Variants in NRG1 observed in about 807,000 individuals in gnomAD.
NRG1 encodes pro-neuregulin-1, membrane-bound isoform.
Under a neutral mutation model 63.8 loss-of-function variants are expected in NRG1, and 18 were observed. That is an observed-to-expected ratio of 0.28 (90% confidence interval 0.19 to 0.42). The LOEUF is 0.42. Ranked by LOEUF, NRG1 falls within the 10% of genes least tolerant of loss-of-function variation. NRG1 has a pLI of 1.00. For synonymous variants in NRG1, 302 were observed against 301.3 expected (o/e 1.00, Z -0.02); for missense variants, 762 against 814.7 (o/e 0.94, Z 0.79).
intron 5 of NRG1, among the ~76,000 whole-genome samples, chr8:32,677,963 G>T (rs1324519816): frequency 6.6e-6 from 1 of 152,062 alleles, no homozygotes; most frequent in Non-Finnish European, 1.5e-5. Flanking sequence ...AACCTTTGCT[G>T]TCCTCTGCTA....
At chr8:31,681,547 G>T (rs899632314) in intron 1 of NRG1, among the ~76,000 whole-genome samples, 3 of 151,978 alleles carry the variant, frequency 2.0e-5, no homozygotes, top group Non-Finnish European at 4.4e-5. Flanking sequence ...GGGAGAAACA[G>T]AACATTGTTA....
chr8:31,897,337 T>C (rs377152019), intron 1 of NRG1, among the ~76,000 whole-genome samples: 22 of 152,060 alleles, frequency 1.4e-4, no homozygotes, highest in South Asian at 4.1e-4. Flanking sequence ...AGACTGTTTA[T>C]AGCAATAAGA....
chr8:32,241,989 G>T (rs1164112048), intron 1 of NRG1, among the ~76,000 whole-genome samples: 1 of 152,192 alleles, frequency 6.6e-6, no homozygotes, highest in East Asian at 1.9e-4. Flanking sequence ...CTAGCCTCAA[G>T]AAATCCTTCA....
intron 1 of NRG1, among the ~76,000 whole-genome samples, chr8:32,392,905 G>A (rs1279488519): frequency 3.9e-5 from 6 of 152,136 alleles, no homozygotes. Context: ...TAGAGAGAGA[G>A]AGCCCTTGGG....
At chr8:32,239,435 A>G (rs140504430) in intron 1 of NRG1, among the ~76,000 whole-genome samples, 1 of 152,242 alleles carries the variant, frequency 6.6e-6, no homozygotes, top group Non-Finnish European at 1.5e-5. Flanking sequence ...AACAAACAGG[A>G]GAAAATGATG....
chr8:32,160,657 G>T (rs1438815509), intron 1 of NRG1, among the ~76,000 whole-genome samples: 1 of 152,154 alleles, frequency 6.6e-6, no homozygotes, highest in Non-Finnish European at 1.5e-5. Flanking sequence ...GTCTGGGTGG[G>T]TCCTAATGCC....
intron 1 of NRG1, among the ~76,000 whole-genome samples, chr8:31,659,244 A>G (rs950314746): frequency 2.6e-5 from 4 of 152,198 alleles, no homozygotes; most frequent in East Asian, 1.9e-4. Flanking sequence ...CAGCATAGGT[A>G]GAAGGCACTG....
chr8:32,705,202 G>A (rs533804765), intron 5 of NRG1, among the ~76,000 whole-genome samples: 7 of 148,188 alleles, frequency 4.7e-5, no homozygotes, highest in Admixed American at 2.1e-4. Flanking sequence ...GCGAGATCTC[G>A]CTCACTGCAA....
intron 1 of NRG1, among the ~76,000 whole-genome samples, chr8:31,947,095 T>C (rs536989045): frequency 6.6e-6 from 1 of 151,228 alleles, no homozygotes; most frequent in African/African-American, 2.4e-5. Context: ...GGTCAGGAGA[T>C]CGAGACCATC....
intron 1 of NRG1, among the ~76,000 whole-genome samples, chr8:32,278,331 A>T (rs1007527086): frequency 6.6e-6 from 1 of 152,300 alleles, no homozygotes; most frequent in Admixed American, 6.5e-5. Context: ...GGGGAAAAAA[A>T]GTTGAGAAAC....
rs576133097 is a variant in NRG1 at position 32,312,657 on chromosome 8, G to A, written c.38-283171G>A. On this transcript the variant is annotated intron_variant, in intron 1 of 10. Transcript: ENST00000519301. ...CACGAGAGACCGTCTTGCTCCGTTA[G>A]GACTGCCTCCCACCTGCTAAGGGTG... Among the ~76,000 whole-genome samples, 4 of 152,092 alleles carry A rather than the reference G, an allele frequency of 2.6e-5. No homozygotes were observed. The East Asian group carries it at 5.9e-4, about 22-fold the overall frequency.
At chr8:32,479,913 G>T (rs781451694) in intron 1 of NRG1, among the ~76,000 whole-genome samples, 2 of 152,104 alleles carry the variant, frequency 1.3e-5, no homozygotes, top group Non-Finnish European at 2.9e-5. Context: ...CTCCCAAAGC[G>T]CTGGGATTAC....
At chr8:31,783,418 C>G (rs1015482723) in intron 1 of NRG1, among the ~76,000 whole-genome samples, 3 of 152,028 alleles carry the variant, frequency 2.0e-5, no homozygotes, top group African/African-American at 2.4e-5. Context: ...ACACACCTAT[C>G]CAAAGACAAA....
intron 1 of NRG1, among the ~76,000 whole-genome samples, chr8:32,510,862 G>A (rs963486122): frequency 3.3e-5 from 5 of 151,428 alleles, no homozygotes; most frequent in Admixed American, 6.6e-5. Flanking sequence ...ACAGGTCTTC[G>A]TCTTCTCAAC....
In NRG1 at chr8:31,642,304, G is replaced by A. The variant is rs139491067; in HGVS notation, c.37+2873G>A. 2.6e-3 allele frequency among the ~76,000 whole-genome samples: 393 copies of A among 152,320 alleles called. 1 individual carries two copies. Among genetic ancestry groups the A allele is most frequent in the African/African-American group, 7.6e-3 (315 of 41,562 alleles). Reference sequence around the variant, plus strand: ...ATATGTTTTATAGTGTGTAATTCAGGAAGGATTTTTCCTTTATCCCAAGTC... The same window carrying A: ...ATATGTTTTATAGTGTGTAATTCAGAAAGGATTTTTCCTTTATCCCAAGTC... On this transcript the variant is annotated intron_variant, in intron 1 of 10. Transcript: ENST00000519301.
chr8:32,609,178 C>T (rs1384766313), intron 3 of NRG1, among the ~76,000 whole-genome samples: 1 of 152,096 alleles, frequency 6.6e-6, no homozygotes, highest in Non-Finnish European at 1.5e-5. Context: ...AGAGGAGATA[C>T]CCTTTTTGCT....
intron 1 of NRG1, among the ~76,000 whole-genome samples, chr8:32,118,626 G>T (rs1011321888): frequency 1.3e-5 from 2 of 152,114 alleles, no homozygotes; most frequent in African/African-American, 4.8e-5. Flanking sequence ...ACTGTTACAG[G>T]TATTTTGGCA....
chr8:32,281,029 G>T (rs147121654), intron 1 of NRG1, among the ~76,000 whole-genome samples: 2,669 of 151,492 alleles, frequency 0.018, 34 homozygotes, highest in Middle Eastern at 0.027. Flanking sequence ...AAAGTGCTGG[G>T]ATTACAGGCA....
chr8:32,694,859 C>G (rs1334457778), intron 5 of NRG1, among the ~76,000 whole-genome samples: 1 of 152,140 alleles, frequency 6.6e-6, no homozygotes, highest in Admixed American at 6.5e-5. Context: ...TGCCTGAAAT[C>G]CCACAGCGAG....
Sources: gnomAD v4.1 joint callset for allele counts (sites outside exome capture counted in the v4.1 genomes callset) on GRCh38, gnomAD v4.1.1 for gene constraint, MANE v1.5 for transcripts, NCBI Gene and HGNC (gene_info 2026-07-23, HGNC 2026-07-21) for gene names.